PCDH15: variants seen among roughly 807,000 people sequenced by gnomAD.
PCDH15 encodes the protein protocadherin related 15, also known as protocadherin-15.
Under a neutral mutation model 178.5 loss-of-function variants are expected in PCDH15, and 129 were observed. That is an observed-to-expected ratio of 0.72 (90% CI 0.63 to 0.84). PCDH15 has a LOEUF of 0.84. Among genes scored for constraint, PCDH15 ranks in the 40% least tolerant of loss-of-function variants. The pLI is 0.00. For synonymous variants in PCDH15, 800 were observed against 732.0 expected (o/e 1.09, Z -1.50); for missense variants, 2,230 against 2,099.9 (o/e 1.06, Z -1.21).
chr10:55,480,750 T>C (rs1216352923), intron 2 of PCDH15, among the ~76,000 whole-genome samples: 3 of 151,972 alleles, frequency 2.0e-5, no homozygotes, highest in Admixed American at 6.6e-5. Context: ...TTGTCAAGGA[T>C]TTTTGCATCA....
intron 2 of PCDH15, among the ~76,000 whole-genome samples, chr10:55,440,257 T>C (rs141182623): frequency 7.2e-5 from 11 of 152,260 alleles, no homozygotes; most frequent in African/African-American, 2.6e-4. Context: ...TGAGGAATAC[T>C]CTTCATAATG....
intron 8 of PCDH15, among the ~76,000 whole-genome samples, chr10:54,299,995 A>G (rs1402695623): frequency 2.6e-5 from 4 of 152,072 alleles, no homozygotes; most frequent in Non-Finnish European, 5.9e-5. Context: ...GCTACCACAC[A>G]CTCTTAAAGG....
At chr10:54,904,774 CACT>C (rs1254692324) in intron 2 of PCDH15, among the ~76,000 whole-genome samples, 1 of 151,686 alleles carries the variant, frequency 6.6e-6, no homozygotes, top group African/African-American at 2.4e-5. Context: ...CAGTATGCCC[CACT>C]TCCTTAACTC....
At chr10:55,413,267 C>A (rs1291026446) in intron 2 of PCDH15, among the ~76,000 whole-genome samples, 5 of 150,980 alleles carry the variant, frequency 3.3e-5, no homozygotes, top group Non-Finnish European at 7.4e-5. Flanking sequence ...ATTGTTTGTT[C>A]CACATTTTCA....
intron 2 of PCDH15, among the ~76,000 whole-genome samples, chr10:55,034,131 A>G (rs1840679569): frequency 6.6e-6 from 1 of 152,134 alleles, no homozygotes. Context: ...GTGGTATTTC[A>G]TTATTGCAGC....
intron 2 of PCDH15, among the ~76,000 whole-genome samples, chr10:54,558,329 A>G (rs1306980526): frequency 6.6e-6 from 1 of 152,160 alleles, no homozygotes; most frequent in African/African-American, 2.4e-5. Flanking sequence ...AAATTTCCAC[A>G]GATCAATTTA....
chr10:55,245,616 G>A (rs1841661714), intron 1 of PCDH15, among the ~76,000 whole-genome samples: 1 of 152,046 alleles, frequency 6.6e-6, no homozygotes, highest in South Asian at 2.1e-4. Context: ...CAATGTTGGA[G>A]TATTTCTGAA....
In PCDH15 at chr10:55,003,568, C is replaced by T. The variant is rs911240210; in HGVS notation, c.-79-106068G>A. Among the ~76,000 whole-genome samples, 4 of 151,692 alleles carry T rather than the reference C, an allele frequency of 2.6e-5. No homozygotes were observed. The East Asian group carries it at 7.7e-4, about 29-fold the overall frequency. ...ATGTTTCTCTCTTTGCCTGATTTCT[C>T]CAGAATTCAGAAACTGTGAATATTC... is the stretch of plus-strand genomic sequence containing the variant. On this transcript the variant is annotated intron_variant, in intron 2 of 5. Coordinates refer to the PCDH15 transcript ENST00000458638.
rs1377454741 is a variant in PCDH15 at position 54,564,332 on chromosome 10, T to C, written c.92-36455A>G. Among the ~76,000 whole-genome samples the C allele has an allele frequency of 2.0e-5, 3 of 152,160 alleles. No individual in the cohort carries two copies. In the East Asian group the frequency reaches 5.8e-4, roughly 29 times the overall value. Reference sequence around the variant, plus strand: ...AGTTTGCAATATTTTAGTGAGAGGATTGAGAAGTATGGCTAAATAGGAATT... The same window carrying C: ...AGTTTGCAATATTTTAGTGAGAGGACTGAGAAGTATGGCTAAATAGGAATT... On this transcript the variant is annotated intron_variant, in intron 2 of 37. Transcript: ENST00000644397.
chr10:55,526,463 T>G (rs554118285), intron 2 of PCDH15, among the ~76,000 whole-genome samples: 3 of 152,002 alleles, frequency 2.0e-5, no homozygotes, highest in African/African-American at 7.2e-5. Context: ...AGAATGTAAT[T>G]AATATTTCCC....
Position 54,317,425 on chromosome 10 carries a change from A to G in PCDH15, c.722T>C (p.Leu241Pro). 1.2e-6 allele frequency: 2 copies of G among 1,613,886 alleles called. No individual in the cohort carries two copies. Among genetic ancestry groups the G allele is most frequent in the Non-Finnish European group, 8.5e-7 (1 of 1,179,880 alleles). Reference sequence around the variant, plus strand: ...GGTGGTGGTGGTTCGCCTCTCATTCAGATTTTGGGCACGGTCCTGTTAGGG... The same window carrying G: ...GGTGGTGGTGGTTCGCCTCTCATTCGGATTTTGGGCACGGTCCTGTTAGGG... ...IIQANDRAQN[L>P]NERRTTTTTL... The change falls in exon 8 of 38, where the codon CTG becomes CCG. Residue 241 changes from leucine to proline, a missense_variant. Physicochemically the swap from Leu to Pro is moderately conservative, Grantham distance 98. Coordinates refer to ENST00000644397, the MANE Select transcript of PCDH15 (RefSeq NM_001384140.1).
rs1350170194 is a variant in PCDH15, at chr10:54,983,485, G to C, written c.-79-85985C>G. Among the ~76,000 whole-genome samples the C allele has an allele frequency of 8.5e-5, 13 of 152,230 alleles. No individual in the cohort carries two copies. The East Asian group carries it at 2.3e-3, about 27-fold the overall frequency. On this transcript the variant is annotated intron_variant, in intron 2 of 5. Coordinates refer to the PCDH15 transcript ENST00000458638. Reference sequence around the variant, plus strand: ...GTACTACATAAGACCAGAGGAAATAGAGCTTAGCAAGTTATTTGTCCTGGA... The same window carrying C: ...GTACTACATAAGACCAGAGGAAATACAGCTTAGCAAGTTATTTGTCCTGGA...
At chr10:55,007,498 A>G (rs1003377372) in intron 2 of PCDH15, among the ~76,000 whole-genome samples, 1 of 152,240 alleles carries the variant, frequency 6.6e-6, no homozygotes, top group South Asian at 2.1e-4. Context: ...AAAATGTTTA[A>G]CATGAATTTA....
intron 2 of PCDH15, among the ~76,000 whole-genome samples, chr10:54,591,551 G>C (rs542984543): frequency 6.6e-6 from 1 of 152,268 alleles, no homozygotes; most frequent in African/African-American, 2.4e-5. Flanking sequence ...ATGTGACTTA[G>C]AGAAGTATAA....
At chr10:54,027,540 A>T (rs1366377556) in intron 18 of PCDH15, among the ~76,000 whole-genome samples, 2 of 150,296 alleles carry the variant, frequency 1.3e-5, no homozygotes, top group Non-Finnish European at 2.9e-5. Context: ...ACTTCAAACT[A>T]TACTACAAGG....
intron 14 of PCDH15, among the ~76,000 whole-genome samples, chr10:54,140,564 G>A (rs2043306482): frequency 6.6e-6 from 1 of 151,974 alleles, no homozygotes; most frequent in Non-Finnish European, 1.5e-5. Flanking sequence ...TGCCTCCCGG[G>A]TTCAAGTGAT....
chr10:54,264,414 C>T (rs748837547), intron 8 of PCDH15, among the ~76,000 whole-genome samples: 7 of 152,014 alleles, frequency 4.6e-5, no homozygotes, highest in Non-Finnish European at 8.8e-5. Context: ...AGGATCCTAA[C>T]CAGATGTAAA....
chr10:54,233,885 G>C (rs190768528), intron 9 of PCDH15, among the ~76,000 whole-genome samples: 8 of 152,242 alleles, frequency 5.3e-5, no homozygotes, highest in African/African-American at 1.9e-4. Context: ...TGATGTTCAT[G>C]ACAGTAGAAC....
At chr10:54,024,788 A>G (rs956303569) in intron 18 of PCDH15, among the ~76,000 whole-genome samples, 4 of 152,152 alleles carry the variant, frequency 2.6e-5, no homozygotes, top group Admixed American at 1.3e-4. Flanking sequence ...CGAATTATTG[A>G]CAAATCAGTC....
Sources: gnomAD v4.1 joint callset for allele counts (sites outside exome capture counted in the v4.1 genomes callset) on GRCh38, gnomAD v4.1.1 for gene constraint, MANE v1.5 for transcripts, NCBI Gene and HGNC (gene_info 2026-07-23, HGNC 2026-07-21) for gene names.